Variants in SLC9A9 observed in about 807,000 individuals in gnomAD.
The protein encoded by SLC9A9 is sodium/hydrogen exchanger 9.
SLC9A9 carries 62 observed loss-of-function variants against 77.8 expected under a neutral mutation model. That is an observed-to-expected ratio of 0.80 (90% CI 0.65 to 0.98). The LOEUF (loss-of-function observed/expected upper bound fraction) is 0.98. SLC9A9 is among the 50% of genes least tolerant of loss of function. The pLI, the probability that SLC9A9 is intolerant of heterozygous loss-of-function variation, is 0.00. For missense variants in SLC9A9, 775 were observed against 774.9 expected (o/e 1.00, Z 0.00); for synonymous variants, 320 against 283.5 (o/e 1.13, Z -1.29).
At chr3:143,586,528 C>T (rs1033765780) in intron 6 of SLC9A9, among the ~76,000 whole-genome samples, 1 of 152,104 alleles carries the variant, frequency 6.6e-6, no homozygotes, top group Non-Finnish European at 1.5e-5. Flanking sequence ...AATTACAGTG[C>T]TATTTTGTGT....
At chr3:143,530,117 T>A (rs1438259806) in intron 9 of SLC9A9, among the ~76,000 whole-genome samples, 1 of 152,132 alleles carries the variant, frequency 6.6e-6, no homozygotes, top group African/African-American at 2.4e-5. Context: ...TGGCTTTGAG[T>A]TTAGAGGGCT....
chr3:143,591,500 T>C (rs2037643586), intron 6 of SLC9A9, among the ~76,000 whole-genome samples: 2 of 152,260 alleles, frequency 1.3e-5, no homozygotes, highest in African/African-American at 4.8e-5. Flanking sequence ...AGGAGTCCTC[T>C]CTGGTATTAG....
At chr3:143,641,843 C>A (rs2038629244) in intron 6 of SLC9A9, among the ~76,000 whole-genome samples, 1 of 152,088 alleles carries the variant, frequency 6.6e-6, no homozygotes, top group Non-Finnish European at 1.5e-5. Flanking sequence ...CCTCTATGAC[C>A]TTTCAGTGTC....
chr3:143,599,343 A>G (rs750194943), intron 6 of SLC9A9, among the ~76,000 whole-genome samples: 3 of 152,252 alleles, frequency 2.0e-5, no homozygotes, highest in Admixed American at 1.3e-4. Flanking sequence ...ATGCTCAGGA[A>G]TCTAATAATA....
chr3:143,352,202 T>A lies in SLC9A9; in HGVS notation c.1604+11282A>T, dbSNP rs147602329. On this transcript the variant is annotated intron_variant, in intron 14 of 15. Transcript: ENST00000316549. ...AAGGAACGGCAAAGGGCTTGGCACC[T>A]GTAACCCAAGGGCTAGTCCATAGCG... Among the ~76,000 whole-genome samples, 907 of 152,352 alleles carry A rather than the reference T, an allele frequency of 6.0e-3. 2 individuals are homozygous for A. The highest frequency in any genetic ancestry group is 0.017 in the Middle Eastern group (5 of 294).
chr3:143,356,429 G>A (rs1046996369), intron 14 of SLC9A9, among the ~76,000 whole-genome samples: 2 of 152,146 alleles, frequency 1.3e-5, no homozygotes, highest in African/African-American at 4.8e-5. Flanking sequence ...ACAAAAGACT[G>A]CACATGTTTC....
chr3:143,769,179 T>C (rs1053526596), intron 4 of SLC9A9, among the ~76,000 whole-genome samples: 1 of 152,158 alleles, frequency 6.6e-6, no homozygotes, highest in Non-Finnish European at 1.5e-5. Flanking sequence ...TAATTAAAAA[T>C]GAAATAAGGA....
chr3:143,554,017 G>A (rs1000130707), intron 8 of SLC9A9, among the ~76,000 whole-genome samples: 1 of 152,094 alleles, frequency 6.6e-6, no homozygotes, highest in Non-Finnish European at 1.5e-5. Flanking sequence ...TAAAAATGTG[G>A]CCTATGTCTG....
At chr3:143,626,056 C>T (rs1435364188) in intron 6 of SLC9A9, among the ~76,000 whole-genome samples, 3 of 152,160 alleles carry the variant, frequency 2.0e-5, no homozygotes, top group African/African-American at 7.2e-5. Flanking sequence ...CAAATCAAAA[C>T]CACAATGAGA....
intron 5 of SLC9A9, among the ~76,000 whole-genome samples, chr3:143,685,854 G>A (rs370388791): frequency 3.7e-4 from 57 of 152,224 alleles, no homozygotes; most frequent in African/African-American, 1.3e-3. Context: ...GAAATGCTCT[G>A]GAAAATGTTC....
chr3:143,416,877 TC>T (rs1251138258), intron 12 of SLC9A9, among the ~76,000 whole-genome samples: 2 of 152,250 alleles, frequency 1.3e-5, no homozygotes, highest in African/African-American at 4.8e-5. Context: ...ATATCAGATA[TC>T]CACTATGAGT....
At chr3:143,388,653 C>T (rs2033483410) in intron 12 of SLC9A9, among the ~76,000 whole-genome samples, 1 of 152,150 alleles carries the variant, frequency 6.6e-6, no homozygotes, top group South Asian at 2.1e-4. Flanking sequence ...GAAATGTGTG[C>T]ACCCTACATT....
chr3:143,529,990 G>A lies in SLC9A9; in HGVS notation c.1089+22372C>T, dbSNP rs564863451. ...GTTGTGCTTGCCTGGAGTCTAACCC[G>A]TGCACCACCTGTTATTAGAACCCTG... On this transcript the variant is annotated intron_variant, in intron 9 of 15. Coordinates refer to ENST00000316549, the MANE Select transcript of SLC9A9 (RefSeq NM_173653.4). Among the ~76,000 whole-genome samples, 11 of 152,232 alleles carry A rather than the reference G, an allele frequency of 7.2e-5. No homozygotes were observed. In the South Asian group the frequency reaches 2.3e-3, roughly 32 times the overall value.
chr3:143,370,601 A>ACACACACACACACC (rs1436891895), intron 13 of SLC9A9, among the ~76,000 whole-genome samples: 2 of 150,652 alleles, frequency 1.3e-5, no homozygotes, highest in African/African-American at 4.9e-5. Context: ...ACACACACAC[A>ACACACACACACACC]CCCTAACAAA....
intron 6 of SLC9A9, among the ~76,000 whole-genome samples, chr3:143,640,599 A>C (rs13101180): frequency 6.6e-6 from 1 of 151,962 alleles, no homozygotes; most frequent in Non-Finnish European, 1.5e-5. Flanking sequence ...GGTGGCTCAC[A>C]ACTGTAATCC....
intron 14 of SLC9A9, among the ~76,000 whole-genome samples, chr3:143,300,085 T>C (rs1010389464): frequency 2.0e-5 from 3 of 152,182 alleles, no homozygotes; most frequent in East Asian, 1.9e-4. Context: ...CCATTTGGAA[T>C]GTTTGGCACA....
In SLC9A9 at chr3:143,827,974, G is replaced by T. The variant is rs75194083; in HGVS notation, c.378+4045C>A. ...CCTTCTGCCTGTCTAACTGTGAAAC[G>T]CTCTAGGTCTTAGCCCCAGGTGCCC... On this transcript the variant is annotated intron_variant, in intron 2 of 15. Coordinates refer to ENST00000316549, the MANE Select transcript of SLC9A9 (RefSeq NM_173653.4). Among the ~76,000 whole-genome samples the T allele has an allele frequency of 2.9e-3, 434 of 152,240 alleles. 4 individuals are homozygous for T. Among genetic ancestry groups the T allele is most frequent in the African/African-American group, 9.6e-3 (400 of 41,534 alleles).
At chr3:143,828,401 A>G in intron 2 of SLC9A9, among the ~76,000 whole-genome samples, 1 of 152,222 alleles carries the variant, frequency 6.6e-6, no homozygotes. Flanking sequence ...TACATTGGTC[A>G]GTAAAAAAGG....
At chr3:143,828,886 G>A (rs1017164226) in intron 2 of SLC9A9, among the ~76,000 whole-genome samples, 8 of 152,114 alleles carry the variant, frequency 5.3e-5, no homozygotes, top group African/African-American at 1.9e-4. Context: ...CTCGAAGTAG[G>A]ACTAAAATCC....
Sources: gnomAD v4.1 joint callset for allele counts (sites outside exome capture counted in the v4.1 genomes callset) on GRCh38, gnomAD v4.1.1 for gene constraint, MANE v1.5 for transcripts, NCBI Gene and HGNC (gene_info 2026-07-23, HGNC 2026-07-21) for gene names.